Variants in FRMD6 observed in about 807,000 individuals in gnomAD.
The protein encoded by FRMD6 is FERM domain containing 6, also known as FERM domain-containing protein 6.
FRMD6 carries 37 observed loss-of-function variants against 73.2 expected under a neutral mutation model. That is an observed-to-expected ratio of 0.51 (90% CI 0.39 to 0.66). The LOEUF (loss-of-function observed/expected upper bound fraction) is 0.66, where lower values mean the gene tolerates loss of function less well. Ranked by LOEUF, FRMD6 falls within the 30% of genes least tolerant of loss-of-function variation. The pLI is 0.00. For missense variants in FRMD6, 714 were observed against 780.5 expected (o/e 0.91, Z 1.02); for synonymous variants, 273 against 282.2 (o/e 0.97, Z 0.33).
chr14:51,571,231 T>C (rs1441860296), intron 2 of FRMD6, among the ~76,000 whole-genome samples: 1 of 152,078 alleles, frequency 6.6e-6, no homozygotes. Context: ...AAATAAAAAT[T>C]AGCCAGGCCT....
At chr14:51,583,071 T>C (rs1356336459) in intron 2 of FRMD6, among the ~76,000 whole-genome samples, 1 of 152,246 alleles carries the variant, frequency 6.6e-6, no homozygotes, top group Admixed American at 6.5e-5. Flanking sequence ...TATTGAATTA[T>C]ATAAAGTAGT....
chr14:51,588,486 T>A (rs1005590335), intron 2 of FRMD6, among the ~76,000 whole-genome samples: 1 of 152,116 alleles, frequency 6.6e-6, no homozygotes, highest in African/African-American at 2.4e-5. Flanking sequence ...GTAGGAAAAT[T>A]ATAAATTATA....
the FRMD6 span, among the ~76,000 whole-genome samples, chr14:51,465,765 T>C: frequency 1.3e-5 from 2 of 152,220 alleles, no homozygotes; most frequent in Non-Finnish European, 2.9e-5. Context: ...AATGAACATG[T>C]GCAAGTCTTT....
At chr14:51,459,884 C>CTTTTTT in the FRMD6 span, among the ~76,000 whole-genome samples, 30 of 74,648 alleles carry the variant, frequency 4.0e-4, 2 homozygotes, top group African/African-American at 8.1e-4. Flanking sequence ...TACTGACTCT[C>CTTTTTT]TTTTTTTTTT....
rs771992156 is a variant in FRMD6 at position 51,704,819 on chromosome 14, C to A, written c.442C>A (p.Arg148=). The part of the protein sequence containing the change: ...KQVLHSQCVL[R]EEAYFLLAAF... ...AGTTCTTCATTCTCAGTGTGTGCTCCGAGAGGAGGCCTACTTCCTGCTGGC... is the reference window on the plus strand; with the variant it reads ...AGTTCTTCATTCTCAGTGTGTGCTCAGAGAGGAGGCCTACTTCCTGCTGGC... Residue 148 remains arginine, a synonymous_variant, in exon 6 of 14, where the codon CGA becomes AGA. Coordinates refer to ENST00000344768, the MANE Select transcript of FRMD6 (RefSeq NM_001267046.2). 1 of 1,613,118 alleles carries A rather than the reference C, an allele frequency of 6.2e-7. No individual in the cohort carries two copies. Among genetic ancestry groups the A allele is most frequent in the African/African-American group, 1.3e-5 (1 of 74,842 alleles).
At chr14:51,588,852 C>T (rs917476032) in intron 2 of FRMD6, among the ~76,000 whole-genome samples, 21 of 152,232 alleles carry the variant, frequency 1.4e-4, no homozygotes, top group African/African-American at 4.3e-4. Flanking sequence ...CTCAAAGTCT[C>T]ATGCCACATG....
chr14:51,656,605 G>A (rs1892851434), intron 1 of FRMD6, among the ~76,000 whole-genome samples: 1 of 152,034 alleles, frequency 6.6e-6, no homozygotes. Flanking sequence ...GTACAGATGA[G>A]GTTTCACCAT....
At chr14:51,447,275 T>G in the FRMD6 span, among the ~76,000 whole-genome samples, 26 of 152,262 alleles carry the variant, frequency 1.7e-4, no homozygotes, top group African/African-American at 6.0e-4. Context: ...CTTAGAATTC[T>G]ACTAGGTCCC....
chr14:51,430,581 C>G, the FRMD6 span, among the ~76,000 whole-genome samples: 21 of 151,304 alleles, frequency 1.4e-4, no homozygotes, highest in Admixed American at 1.4e-3. Context: ...AGGTCAAACT[C>G]TACATGCCAC....
At chr14:51,493,862 A>G (rs1391006146) in intron 1 of FRMD6, among the ~76,000 whole-genome samples, 1 of 152,172 alleles carries the variant, frequency 6.6e-6, no homozygotes, top group Non-Finnish European at 1.5e-5. Flanking sequence ...ATAAATTTGC[A>G]TGGCTTATGA....
At chr14:51,445,474 A>ATT in the FRMD6 span, among the ~76,000 whole-genome samples, 2,410 of 149,408 alleles carry the variant, frequency 0.016, 32 homozygotes, top group African/African-American at 0.041. Context: ...CAGAAGTGCA[A>ATT]TTTTTTTTTT....
chr14:51,694,701 A>T (rs1594747106), intron 2 of FRMD6, among the ~76,000 whole-genome samples: 1 of 152,220 alleles, frequency 6.6e-6, no homozygotes, highest in Non-Finnish European at 1.5e-5. Context: ...AGGGAAAAAA[A>T]ATAGTCCATA....
chr14:51,514,716 C>T (rs778785165), intron 1 of FRMD6, among the ~76,000 whole-genome samples: 5 of 152,048 alleles, frequency 3.3e-5, no homozygotes, highest in East Asian at 3.9e-4. Flanking sequence ...GGCATGGTGG[C>T]GCATACCTGT....
intron 6 of FRMD6, among the ~76,000 whole-genome samples, chr14:51,707,600 A>G (rs188915432): frequency 1.3e-3 from 191 of 152,174 alleles, no homozygotes; most frequent in Middle Eastern, 3.4e-3. Context: ...GTTTTAGAGA[A>G]TTTCTCCCAG....
chr14:51,540,301 A>T (rs897908691), intron 1 of FRMD6, among the ~76,000 whole-genome samples: 1 of 152,168 alleles, frequency 6.6e-6, no homozygotes, highest in African/African-American at 2.4e-5. Context: ...GGCCGGACAG[A>T]AGGAAAATGT....
chr14:51,454,786 G>A, the FRMD6 span: 3 of 151,848 alleles, frequency 2.0e-5, no homozygotes, highest in African/African-American at 4.8e-5. Context: ...TTGGAATGAT[G>A]TGATTACTCT....
the FRMD6 span, among the ~76,000 whole-genome samples, chr14:51,473,127 G>C: frequency 1.0e-3 from 152 of 152,280 alleles, 1 homozygote; most frequent in Non-Finnish European, 1.1e-3. Context: ...GCCCCTGCCG[G>C]TCCTGCTGCT....
intron 2 of FRMD6, among the ~76,000 whole-genome samples, chr14:51,639,610 A>G (rs1891732050): frequency 6.6e-6 from 1 of 152,210 alleles, no homozygotes; most frequent in Admixed American, 6.5e-5. Flanking sequence ...CATAGCATCT[A>G]AAACACACAG....
At chr14:51,422,902 G>T in the FRMD6 span, among the ~76,000 whole-genome samples, 1 of 152,280 alleles carries the variant, frequency 6.6e-6, no homozygotes, top group Non-Finnish European at 1.5e-5. Flanking sequence ...GTTAGGCATG[G>T]TCACATGGTT....
Sources: allele counts gnomAD v4.1 joint callset (sites outside exome capture counted in the v4.1 genomes callset), GRCh38; gene constraint gnomAD v4.1.1; transcripts MANE v1.5; gene names NCBI Gene and HGNC (gene_info 2026-07-23, HGNC 2026-07-21).